The following INPP4B variants were observed in gnomAD, a reference collection of about 807,000 sequenced individuals.
The protein encoded by INPP4B is inositol polyphosphate-4-phosphatase type II B, also known as inositol polyphosphate 4-phosphatase type II.
In INPP4B, 55 loss-of-function variants were observed where a neutral mutation model predicts 122.5. The observed-to-expected ratio is 0.45, with a 90% CI of 0.36 to 0.56. The LOEUF (loss-of-function observed/expected upper bound fraction) is 0.56, where lower values mean the gene tolerates loss of function less well. Ranked by LOEUF, INPP4B falls within the 20% of genes least tolerant of loss-of-function variation. The pLI is 0.00. For synonymous variants in INPP4B, 403 were observed against 388.7 expected, an observed-to-expected ratio of 1.04 and a Z score of -0.43; for missense variants, 1,000 against 1,097.7, an observed-to-expected ratio of 0.91 and a Z score of 1.26.
intron 9 of INPP4B, among the ~76,000 whole-genome samples, chr4:142,293,598 A>G (rs1443600349): frequency 2.6e-5 from 4 of 152,048 alleles, no homozygotes; most frequent in Admixed American, 6.5e-5. Context: ...ACGTTTCCCT[A>G]TCTTCCATGA....
chr4:142,751,522 T>A (rs1769715122), intron 1 of INPP4B, among the ~76,000 whole-genome samples: 1 of 152,110 alleles, frequency 6.6e-6, no homozygotes, highest in South Asian at 2.1e-4. Context: ...CTATGTAATA[T>A]GCATCCCTGA....
intron 14 of INPP4B, among the ~76,000 whole-genome samples, chr4:142,204,030 A>G (rs1281242074): frequency 6.6e-6 from 1 of 152,090 alleles, no homozygotes; most frequent in Non-Finnish European, 1.5e-5. Context: ...AAGTAGAAAA[A>G]TTTGATTCAC....
intron 2 of INPP4B, among the ~76,000 whole-genome samples, chr4:142,695,373 A>G (rs1381483713): frequency 1.3e-5 from 2 of 152,194 alleles, no homozygotes. Flanking sequence ...CAAATTGAAT[A>G]GCAATTTTGT....
intron 5 of INPP4B, among the ~76,000 whole-genome samples, chr4:142,415,722 T>G (rs1276412051): frequency 2.0e-5 from 3 of 152,208 alleles, no homozygotes; most frequent in African/African-American, 4.8e-5. Flanking sequence ...ATTACGGCAC[T>G]ATTCACAATA....
At chr4:142,821,646 T>C (rs1780805235) in intron 1 of INPP4B, among the ~76,000 whole-genome samples, 1 of 152,188 alleles carries the variant, frequency 6.6e-6, no homozygotes, top group South Asian at 2.1e-4. Context: ...TTCCTATGTA[T>C]TCAACAATAA....
In INPP4B at chr4:142,023,688, A is replaced by G. The variant is rs1736163841; in HGVS notation, c.*5094T>C. 6.6e-6 allele frequency: 1 copy of G among 152,184 alleles called. No individual in the cohort carries two copies. Among genetic ancestry groups the G allele is most frequent in the Non-Finnish European group, 1.5e-5 (1 of 68,018 alleles). The allele number at this position is 152,184 out of a possible 1,614,324, so 9.4% of individuals were successfully genotyped here. On this transcript the variant is annotated 3_prime_UTR_variant, in exon 26 of 26. Transcript: ENST00000262992. ...ACCTGGCGGTAATTTAGATGATTGAAGGAATATTATGAATGTATTTACACT... is the reference window on the plus strand; with the variant it reads ...ACCTGGCGGTAATTTAGATGATTGAGGGAATATTATGAATGTATTTACACT...
intron 1 of INPP4B, among the ~76,000 whole-genome samples, chr4:142,727,140 C>T (rs953136331): frequency 6.6e-6 from 1 of 152,096 alleles, no homozygotes; most frequent in African/African-American, 2.4e-5. Flanking sequence ...AAGAAAGAGT[C>T]CTTCTGGGTC....
chr4:142,353,376 T>A (rs1402725186), intron 7 of INPP4B, among the ~76,000 whole-genome samples: 1 of 151,908 alleles, frequency 6.6e-6, no homozygotes, highest in Non-Finnish European at 1.5e-5. Context: ...GAGGAAAAAA[T>A]TCCATTCCCC....
At position 142,430,132 on chromosome 4, in the gene INPP4B, T is replaced by C. The variant is rs75889271; in HGVS notation, c.92-915A>G. ...AAATTTACTGGCATTTGGTCACTAA[T>C]ATATTTTAAGAATCACCTTTTTGTA... is the stretch of plus-strand genomic sequence containing the variant. On this transcript the variant is annotated intron_variant, in intron 4 of 25. Coordinates refer to ENST00000262992, the MANE Select transcript of INPP4B (RefSeq NM_001101669.3). Among the ~76,000 whole-genome samples the C allele has an allele frequency of 4.2e-3, 647 of 152,266 alleles. 5 individuals carry two copies. The highest frequency in any genetic ancestry group is 6.6e-3 in the Non-Finnish European group (452 of 68,000).
intron 2 of INPP4B, among the ~76,000 whole-genome samples, chr4:142,596,379 C>T (rs1378581313): frequency 6.6e-6 from 1 of 152,036 alleles, no homozygotes; most frequent in Non-Finnish European, 1.5e-5. Flanking sequence ...AAAATGCTGC[C>T]CTGAGACCAA....
intron 12 of INPP4B, among the ~76,000 whole-genome samples, chr4:142,233,783 G>C (rs948857931): frequency 6.6e-6 from 1 of 151,298 alleles, no homozygotes; most frequent in Non-Finnish European, 1.5e-5. Flanking sequence ...CTTACATTAT[G>C]GTATATTAAT....
chr4:142,059,944 C>G (rs1271847080), intron 25 of INPP4B, among the ~76,000 whole-genome samples: 1 of 152,142 alleles, frequency 6.6e-6, no homozygotes, highest in Non-Finnish European at 1.5e-5. Context: ...GTAGGAAACT[C>G]AAGTGAATTT....
intron 2 of INPP4B, among the ~76,000 whole-genome samples, chr4:142,469,797 C>T (rs767821657): frequency 3.0e-4 from 46 of 151,974 alleles, no homozygotes; most frequent in Non-Finnish European, 4.9e-4. Flanking sequence ...GAAAAATTAA[C>T]AATTATTTTT....
chr4:142,237,662 A>G (rs1040654221), intron 12 of INPP4B, among the ~76,000 whole-genome samples: 1 of 151,962 alleles, frequency 6.6e-6, no homozygotes, highest in Non-Finnish European at 1.5e-5. Context: ...ATAGAAATAG[A>G]TAACATAGAA....
At chr4:142,581,423 T>C (rs1735029929) in intron 2 of INPP4B, among the ~76,000 whole-genome samples, 1 of 151,932 alleles carries the variant, frequency 6.6e-6, no homozygotes, top group African/African-American at 2.4e-5. Context: ...ATACTAGCTT[T>C]CAAATCATCA....
At chr4:142,491,175 C>T (rs893054981) in intron 2 of INPP4B, among the ~76,000 whole-genome samples, 1 of 152,108 alleles carries the variant, frequency 6.6e-6, no homozygotes, top group African/African-American at 2.4e-5. Flanking sequence ...TAATAATTTA[C>T]ATTGCCATCA....
intron 2 of INPP4B, among the ~76,000 whole-genome samples, chr4:142,695,385 T>C (rs1026427575): frequency 2.5e-4 from 38 of 152,248 alleles, no homozygotes; most frequent in Admixed American, 2.2e-3. Flanking sequence ...CAATTTTGTT[T>C]CCCTAAAAAT....
intron 2 of INPP4B, among the ~76,000 whole-genome samples, chr4:142,568,525 A>G (rs935043109): frequency 2.0e-5 from 3 of 152,190 alleles, no homozygotes; most frequent in Non-Finnish European, 4.4e-5. Flanking sequence ...TATTCACTTT[A>G]TTTTATATCA....
intron 23 of INPP4B, among the ~76,000 whole-genome samples, chr4:142,098,784 G>A (rs1297121466): frequency 1.3e-5 from 2 of 152,090 alleles, no homozygotes; most frequent in East Asian, 3.9e-4. Flanking sequence ...GTGTTAAGCA[G>A]GATACAAGAG....
Sources: gnomAD v4.1 joint callset for allele counts (sites outside exome capture counted in the v4.1 genomes callset) on GRCh38, gnomAD v4.1.1 for gene constraint, MANE v1.5 for transcripts, NCBI Gene and HGNC (gene_info 2026-07-23, HGNC 2026-07-21) for gene names.